The following RBPJ variants were observed in gnomAD, a reference collection of about 807,000 sequenced individuals.
RBPJ encodes the protein recombining binding protein suppressor of hairless.
A neutral mutation model predicts 67.8 loss-of-function variants in RBPJ; 9 were observed. That is an observed-to-expected ratio of 0.13 (90% confidence interval 0.08 to 0.23). RBPJ has a LOEUF of 0.23. Ranked by LOEUF, RBPJ falls within the 10% of genes least tolerant of loss-of-function variation. RBPJ has a pLI of 1.00. For synonymous variants in RBPJ, 198 were observed against 203.3 expected (o/e 0.97, Z 0.22); for missense variants, 305 against 595.6 (o/e 0.51, Z 5.08).
At chr4:26,303,274 A>T (rs2109301229) in intron 1 of RBPJ, among the ~76,000 whole-genome samples, 1 of 147,056 alleles carries the variant, frequency 6.8e-6, no homozygotes, top group East Asian at 2.0e-4. Flanking sequence ...TGTAATCCAT[A>T]TGAAATATAT....
At chr4:26,265,485 C>G (rs972962216) in intron 1 of RBPJ, among the ~76,000 whole-genome samples, 2 of 151,276 alleles carry the variant, frequency 1.3e-5, no homozygotes, top group African/African-American at 4.9e-5. Context: ...CTACTGCACT[C>G]CAGCCTGGGC....
In RBPJ at chr4:26,264,638, A is replaced by G. The variant is rs1184363672; in HGVS notation, c.-166-97808A>G. On this transcript the variant is annotated intron_variant, in intron 1 of 4. Coordinates refer to the RBPJ transcript ENST00000512351. This position sits in a 1 kb window ranked among gnomAD's most constrained non-coding sequence, Gnocchi z 4.1. ...CACTTGCTGTCTTCCTCTCTTCCCC[A>G]TCTAGCCACACTGAAACACTGGCAC... Among the ~76,000 whole-genome samples, 1 of 151,996 alleles carries G rather than the reference A, an allele frequency of 6.6e-6. No individual in the cohort carries two copies. The highest frequency in any genetic ancestry group is 2.4e-5 in the African/African-American group (1 of 41,342).
intron 1 of RBPJ, chr4:26,384,733 A>G (rs1391429844): frequency 6.6e-6 from 1 of 151,846 alleles, no homozygotes; most frequent in African/African-American, 2.4e-5. Context: ...ATTACTAGCT[A>G]TTATTGAGTA....
the RBPJ span, among the ~76,000 whole-genome samples, chr4:26,107,242 G>T: frequency 6.6e-5 from 10 of 152,230 alleles, no homozygotes. Flanking sequence ...GGTAAAAATA[G>T]TCTCAAGTGC....
chr4:26,392,016 T>C (rs909684073), intron 2 of RBPJ, among the ~76,000 whole-genome samples: 6 of 152,224 alleles, frequency 3.9e-5, no homozygotes, highest in African/African-American at 1.4e-4. Context: ...ACAAGGGCAC[T>C]GATCCTATTC....
chr4:26,325,165 T>C (rs993006925), intron 1 of RBPJ, among the ~76,000 whole-genome samples: 1 of 152,310 alleles, frequency 6.6e-6, no homozygotes, highest in Admixed American at 6.5e-5. Context: ...ATTTAATTAC[T>C]GAGAACTGAT....
At chr4:26,132,845 G>T in the RBPJ span, among the ~76,000 whole-genome samples, 7 of 152,072 alleles carry the variant, frequency 4.6e-5, no homozygotes, top group Non-Finnish European at 8.8e-5. Flanking sequence ...ATGCAAGAGG[G>T]GGCAGGGTCC....
intron 1 of RBPJ, among the ~76,000 whole-genome samples, chr4:26,347,762 A>G (rs1395931380): frequency 2.6e-5 from 4 of 151,964 alleles, no homozygotes; most frequent in South Asian, 2.1e-4. Flanking sequence ...AAGAGATGAA[A>G]CTTTTATTGT....
chr4:26,365,400 G>A (rs1728524770), intron 1 of RBPJ, among the ~76,000 whole-genome samples: 1 of 152,172 alleles, frequency 6.6e-6, no homozygotes, highest in Non-Finnish European at 1.5e-5. Flanking sequence ...GGTGATGTGT[G>A]TGTTTTCTAA....
the RBPJ span, among the ~76,000 whole-genome samples, chr4:26,121,429 T>C: frequency 6.6e-6 from 1 of 152,052 alleles, no homozygotes; most frequent in African/African-American, 2.4e-5. Context: ...ATGAGATCAG[T>C]CTTATCCCCA....
intron 1 of RBPJ, among the ~76,000 whole-genome samples, chr4:26,274,642 AAAG>A (rs755023806): frequency 2.0e-4 from 31 of 152,060 alleles, no homozygotes; most frequent in South Asian, 1.7e-3. Context: ...TCTCAAAAAA[AAAG>A]AAGAAGAAGG....
intron 3 of RBPJ, chr4:26,412,958 G>T (rs926705071): frequency 6.6e-6 from 1 of 152,214 alleles, no homozygotes; most frequent in Admixed American, 6.5e-5. Context: ...CCACTAACTT[G>T]GCTGTGACCT....
intron 4 of RBPJ, among the ~76,000 whole-genome samples, 184 bp downstream of exon 4, chr4:26,415,824 G>A (rs184987656): frequency 1.3e-5 from 2 of 152,198 alleles, no homozygotes; most frequent in Admixed American, 6.5e-5. Flanking sequence ...TGAAGCTTAC[G>A]CTGCTGACAT....
intron 1 of RBPJ, among the ~76,000 whole-genome samples, chr4:26,330,040 A>G (rs1724070711): frequency 6.6e-6 from 1 of 152,222 alleles, no homozygotes; most frequent in East Asian, 1.9e-4. Context: ...AGGGTAGGAA[A>G]AAACCTGAAA....
chr4:26,219,784 G>GT (rs1180632459), intron 1 of RBPJ, among the ~76,000 whole-genome samples: 110 of 150,660 alleles, frequency 7.3e-4, no homozygotes, highest in Admixed American at 5.8e-3. Flanking sequence ...TGTTGTTGTT[G>GT]TTTTTTTTTG....
intron 1 of RBPJ, among the ~76,000 whole-genome samples, chr4:26,336,910 A>G (rs1351123461): frequency 3.3e-5 from 5 of 152,284 alleles, no homozygotes; most frequent in Non-Finnish European, 7.4e-5. Flanking sequence ...TATTGTAAAA[A>G]AGCCTAAATG....
chr4:26,126,066 TAA>T, the RBPJ span, among the ~76,000 whole-genome samples: 1 of 150,600 alleles, frequency 6.6e-6, no homozygotes, highest in Admixed American at 6.6e-5. Flanking sequence ...AGAATTGCTT[TAA>T]AAAAAAAATC....
At chr4:26,115,946 T>TAA in the RBPJ span, among the ~76,000 whole-genome samples, 28,877 of 149,366 alleles carry the variant, frequency 0.19, 3,207 homozygotes, top group African/African-American at 0.32. Flanking sequence ...GGTGGTATGT[T>TAA]AAAAAAAAAA....
intron 1 of RBPJ, among the ~76,000 whole-genome samples, chr4:26,356,562 G>A (rs1727400467): frequency 6.6e-6 from 1 of 152,146 alleles, no homozygotes; most frequent in African/African-American, 2.4e-5. Flanking sequence ...TATAAATACA[G>A]TTTGGGTTTT....
Sources: gnomAD v4.1 joint callset for allele counts (sites outside exome capture counted in the v4.1 genomes callset) on GRCh38, gnomAD v4.1.1 for gene constraint, Gnocchi (gnomAD v3.1) non-coding constraint, MANE v1.5 for transcripts, NCBI Gene and HGNC (gene_info 2026-07-23, HGNC 2026-07-21) for gene names.